Variants in NCOR2 observed in about 807,000 individuals in gnomAD.
NCOR2 encodes nuclear receptor corepressor 2.
In NCOR2, 81 loss-of-function variants were observed where a neutral mutation model predicts 262.9. The ratio of observed to expected loss-of-function variants is 0.31; its 90% CI spans 0.26 to 0.37. NCOR2 has a LOEUF of 0.37. Ranked by LOEUF, NCOR2 falls within the 10% of genes least tolerant of loss-of-function variation. The pLI is 1.00. For synonymous variants in NCOR2, 1,659 were observed against 1,559.3 expected (o/e 1.06, Z -1.51); for missense variants, 3,385 against 3,621.4 (o/e 0.93, Z 1.68).
chr12:124,391,001 C>G (rs924358227), intron 16 of NCOR2, among the ~76,000 whole-genome samples: 45 of 152,266 alleles, frequency 3.0e-4, no homozygotes, highest in African/African-American at 1.0e-3. Flanking sequence ...CCTCTGGGCA[C>G]CCATGGGGCA....
chr12:124,403,446 G>A lies in NCOR2; in HGVS notation c.1483-885C>T, dbSNP rs146134300. Among the ~76,000 whole-genome samples the A allele has an allele frequency of 1.7e-3, 262 of 152,098 alleles. 8 individuals are homozygous for A. In the East Asian group the frequency reaches 0.045, roughly 26 times the overall value. On this transcript the variant is annotated intron_variant, in intron 13 of 46. Transcript: ENST00000405201. The stretch of plus-strand genomic sequence containing the variant: ...CCCTCACCGAGATAGAGGAGGGAGT[G>A]TGAGCTCCTCCTGGCACCGCCTCCC...
chr12:124,326,267 T>A, exon 46 of NCOR2: 1 of 1,563,140 alleles, frequency 6.4e-7, no homozygotes, highest in Non-Finnish European at 8.6e-7. Flanking sequence ...CCGAGTGCAC[T>A]GAGGAGACAG....
chr12:124,499,300 G>A (rs1045283815), upstream of NCOR2, among the ~76,000 whole-genome samples: 18 of 152,360 alleles, frequency 1.2e-4, 2 homozygotes, highest in Admixed American at 8.5e-4. Flanking sequence ...GCTGCGTCTG[G>A]CTGCGGTGGG....
chr12:124,337,366 C>G (rs1317145742), intron 37 of NCOR2, 186 bp from the exon 40 acceptor site: 6 of 760,118 alleles, frequency 7.9e-6, no homozygotes, highest in Non-Finnish European at 1.4e-5. Flanking sequence ...CTCATTCGTT[C>G]ATTCATTCCT....
intron 1 of NCOR2, among the ~76,000 whole-genome samples, chr12:124,558,135 A>G (rs955904577): frequency 6.6e-6 from 1 of 152,078 alleles, no homozygotes; most frequent in East Asian, 1.9e-4. Flanking sequence ...CAGGTACCGC[A>G]GAGTTCAATG....
In NCOR2 at chr12:124,549,876, G is replaced by C. The variant is rs1445643629; in HGVS notation, c.-164-14265C>G. ...GGGCAGAGTGTCACGCCTGCCTAGG[G>C]GAAGTACACGCTAGGTACTTATGGC... On this transcript the variant is annotated intron_variant, in intron 1 of 32. Transcript: ENST00000458234. This position sits in a 1 kb window ranked among gnomAD's most constrained non-coding sequence, Gnocchi z 4.4. 6.6e-6 allele frequency among the ~76,000 whole-genome samples: 1 copy of C among 152,130 alleles called. No individual in the cohort carries two copies. The highest frequency in any genetic ancestry group is 1.5e-5 in the Non-Finnish European group (1 of 67,998).
upstream of NCOR2, among the ~76,000 whole-genome samples, chr12:124,497,471 A>G (rs559614273): frequency 6.6e-6 from 1 of 152,122 alleles, no homozygotes; most frequent in South Asian, 2.1e-4. This position sits in a 1 kb window ranked among gnomAD's most constrained non-coding sequence, Gnocchi z 4.2. Flanking sequence ...GGACTTTTTT[A>G]TAGAGATTAC....
chr12:124,488,910 G>A (rs751527868), intron 1 of NCOR2, among the ~76,000 whole-genome samples: 5 of 151,930 alleles, frequency 3.3e-5, no homozygotes, highest in Admixed American at 1.3e-4. Context: ...GAACCCTTTG[G>A]CCTTCGTTTC....
At chr12:124,347,309 A>C (rs998648081) in intron 30 of NCOR2, 2 of 172,742 alleles carry the variant, frequency 1.2e-5, no homozygotes, top group East Asian at 3.4e-4. Flanking sequence ...CGGAGGCTGC[A>C]GTGAGCTGAG....
intron 13 of NCOR2, among the ~76,000 whole-genome samples, chr12:124,413,767 G>C (rs2042715469): frequency 6.6e-6 from 1 of 152,150 alleles, no homozygotes; most frequent in South Asian, 2.1e-4. Context: ...GCGGGAGAGA[G>C]GGAGATGAGG....
upstream of NCOR2, among the ~76,000 whole-genome samples, chr12:124,498,894 C>T (rs147636500): frequency 3.6e-4 from 55 of 152,264 alleles, no homozygotes; most frequent in African/African-American, 1.2e-3. Flanking sequence ...CAAAAGGCCA[C>T]GAACTGCCTG....
At chr12:124,546,260 C>T (rs1258923878) in intron 1 of NCOR2, among the ~76,000 whole-genome samples, 1 of 152,198 alleles carries the variant, frequency 6.6e-6, no homozygotes, top group Non-Finnish European at 1.5e-5. Context: ...TGCCTGCCTA[C>T]AGTAAGAGTG....
chr12:124,344,457 G>A (rs1261271753), intron 32 of NCOR2, 140 bp downstream of exon 34: 21 of 763,888 alleles, frequency 2.7e-5, no homozygotes, highest in Non-Finnish European at 3.7e-5. Context: ...CAGAGCCCAC[G>A]GGCCTGCAGG....
At chr12:124,500,949 G>A (rs913017888) in intron 1 of NCOR2, among the ~76,000 whole-genome samples, 10 of 152,120 alleles carry the variant, frequency 6.6e-5, no homozygotes, top group African/African-American at 2.4e-4. Flanking sequence ...AAATGTTCTG[G>A]GAACTAATGG....
chr12:124,385,062 G>T (rs2040698316), intron 17 of NCOR2, among the ~76,000 whole-genome samples: 1 of 152,120 alleles, frequency 6.6e-6, no homozygotes, highest in African/African-American at 2.4e-5. Context: ...GAGGAGGAAG[G>T]GAAGGAGAGA....
chr12:124,424,991 A>T (rs1312860601), intron 11 of NCOR2, among the ~76,000 whole-genome samples: 1 of 152,244 alleles, frequency 6.6e-6, no homozygotes, highest in Non-Finnish European at 1.5e-5. Flanking sequence ...GCAAGTGATT[A>T]GAGCAAGCTT....
At chr12:124,414,116 C>A (rs748612387) in intron 13 of NCOR2, among the ~76,000 whole-genome samples, 1 of 152,228 alleles carries the variant, frequency 6.6e-6, no homozygotes, top group Non-Finnish European at 1.5e-5. Flanking sequence ...TCCTACCTGG[C>A]GGATCAGGGC....
rs895645517 is a variant in NCOR2, at chr12:124,440,422, C to T, written c.816-2426G>A. Among the ~76,000 whole-genome samples the T allele has an allele frequency of 2.6e-5, 4 of 152,186 alleles. No individual in the cohort carries two copies. Among genetic ancestry groups the T allele is most frequent in the Non-Finnish European group, 4.4e-5 (3 of 68,026 alleles). Reference sequence around the variant, plus strand: ...CCCCACCTTCCATCAGTCTGGCCGCCGCCCCCCGGCCAGGGTGGGCCATGG... The same window carrying T: ...CCCCACCTTCCATCAGTCTGGCCGCTGCCCCCCGGCCAGGGTGGGCCATGG... On this transcript the variant is annotated intron_variant, in intron 7 of 46. Transcript: ENST00000405201. The surrounding 1 kb of genome is among the most constrained non-coding windows in gnomAD (Gnocchi z 5.7).
intron 3 of NCOR2, among the ~76,000 whole-genome samples, chr12:124,474,621 C>T (rs1369452681): frequency 1.3e-5 from 2 of 152,198 alleles, no homozygotes; most frequent in Non-Finnish European, 1.5e-5. Flanking sequence ...GTTCCGTGAC[C>T]TCCAGCAGGT....
Sources: gnomAD v4.1 joint callset for allele counts (sites outside exome capture counted in the v4.1 genomes callset) on GRCh38, gnomAD v4.1.1 for gene constraint, Gnocchi (gnomAD v3.1) non-coding constraint, MANE v1.5 for transcripts, NCBI Gene and HGNC (gene_info 2026-07-23, HGNC 2026-07-21) for gene names.